ZNF550: variants seen among roughly 807,000 people sequenced by gnomAD.
ZNF550 encodes the protein zinc finger protein 550.
Under a neutral mutation model 40.2 loss-of-function variants are expected in ZNF550, and 42 were observed. That is an observed-to-expected ratio of 1.05 (90% CI 0.82 to 1.35). ZNF550 has a LOEUF of 1.35. Ranked by LOEUF, ZNF550 falls within the 40% of genes most tolerant of loss-of-function variation. The pLI, the probability that ZNF550 is intolerant of heterozygous loss-of-function variation, is 0.00. For synonymous variants in ZNF550, 223 were observed against 198.6 expected, an observed-to-expected ratio of 1.12 and a Z score of -1.03; for missense variants, 549 against 525.2, an observed-to-expected ratio of 1.05 and a Z score of -0.44.
In ZNF550 at chr19:57,555,207, C is replaced by A. The variant is rs915840466; in HGVS notation, c.154+1024G>T. 2.1e-4 allele frequency: 32 copies of A among 152,194 alleles called. 1 individual carries two copies. The highest frequency in any genetic ancestry group is 4.4e-5 in the Non-Finnish European group (3 of 68,042). 9.4% of individuals were successfully genotyped at this position (152,194 alleles called of 1,614,324 possible). On this transcript the variant is annotated intron_variant, in intron 2 of 4. Coordinates refer to ENST00000457177, the Ensembl canonical transcript of ZNF550. ...CAATCACAACACAACAAAATCAAAA[C>A]AATGCCACTAAGTCCCAGGAAACCC... is the stretch of plus-strand genomic sequence containing the variant.
At chr19:57,556,445 A>G in intron 1 of ZNF550, 88 bp from the exon 2 acceptor site, 1 of 1,519,674 alleles carries the variant, frequency 6.6e-7, no homozygotes, top group African/African-American at 1.4e-5. Context: ...CAATGTGCAG[A>G]GAGATCCAGG....
intron 4 of ZNF550, chr19:57,543,549 C>G (rs916457993): frequency 1.1e-6 from 1 of 940,136 alleles, no homozygotes; most frequent in South Asian, 4.9e-5. Flanking sequence ...CCCCCACAAT[C>G]ATTTCTCACA....
chr19:57,559,232 C>T (rs2123376485), intron 1 of ZNF550, among the ~76,000 whole-genome samples: 1 of 152,328 alleles, frequency 6.6e-6, no homozygotes, highest in African/African-American at 2.4e-5. Context: ...ACACACACAT[C>T]ACCCAGGGAG....
At chr19:57,553,104 A>G (rs1047524606) in intron 2 of ZNF550, 1 of 166,694 alleles carries the variant, frequency 6.0e-6, no homozygotes, top group Admixed American at 6.4e-5. Context: ...CAAGCCAGGA[A>G]GAGAGGTCTC....
At chr19:57,556,083 A>C (rs1224451381) in intron 2 of ZNF550, 148 bp downstream of exon 2, 1 of 1,033,018 alleles carries the variant, frequency 9.7e-7, no homozygotes, top group Non-Finnish European at 1.5e-6. Flanking sequence ...TACCCCGACA[A>C]TCTCTGATGC....
In ZNF550 at chr19:57,554,849, C is replaced by T. The variant is rs1318560256; in HGVS notation, c.154+1382G>A. Reference sequence around the variant, plus strand: ...CCTCCACCTGGAACACTGTTACCCTCTTCCACCTCCTTCTATCCAGCTAAC... The same window carrying T: ...CCTCCACCTGGAACACTGTTACCCTTTTCCACCTCCTTCTATCCAGCTAAC... On this transcript the variant is annotated intron_variant, in intron 2 of 4. Coordinates refer to ENST00000457177, the Ensembl canonical transcript of ZNF550. The surrounding 1 kb of genome is among the most constrained non-coding windows in gnomAD (Gnocchi z 4.5). 6.6e-6 allele frequency: 1 copy of T among 152,342 alleles called. No individual in the cohort carries two copies. The highest frequency in any genetic ancestry group is 2.4e-5 in the African/African-American group (1 of 41,472). 9.4% of individuals were successfully genotyped at this position (152,342 alleles called of 1,614,324 possible).
intron 1 of ZNF550, among the ~76,000 whole-genome samples, chr19:57,559,327 C>A (rs1339383521): frequency 6.6e-6 from 1 of 152,148 alleles, no homozygotes; most frequent in Non-Finnish European, 1.5e-5. Context: ...AGGACAGTAA[C>A]GGGACTTGTT....
exon 4 of ZNF550, chr19:57,547,076 A>C: frequency 3.7e-6 from 6 of 1,613,438 alleles, no homozygotes; most frequent in Non-Finnish European, 5.1e-6. Flanking sequence ...TGGATGACAG[A>C]GTGCTGAATG....
At chr19:57,555,149 A>G (rs1285623359) in intron 2 of ZNF550, 2 of 152,178 alleles carry the variant, frequency 1.3e-5, no homozygotes, top group Admixed American at 6.5e-5. Flanking sequence ...GTAAGTGAGA[A>G]AGTCAATTTC....
At chr19:57,544,512 A>C in intron 4 of ZNF550, 1 of 985,384 alleles carries the variant, frequency 1.0e-6, no homozygotes, top group Non-Finnish European at 1.2e-6. Context: ...TTCCAGAGAG[A>C]GGATGCAGGA....
At chr19:57,555,948 T>C (rs1036732773) in intron 2 of ZNF550, 3 of 402,620 alleles carry the variant, frequency 7.5e-6, no homozygotes, top group Admixed American at 3.7e-5. Context: ...CCCTGCTTAA[T>C]AGGGCTGTGG....
intron 4 of ZNF550, chr19:57,544,665 C>T (rs934836312): frequency 1.1e-6 from 1 of 923,774 alleles, no homozygotes; most frequent in Non-Finnish European, 1.3e-6. Flanking sequence ...GTAAAAGGTA[C>T]ATGCCCACTA....
At chr19:57,544,219 G>A (rs2089987757) in intron 4 of ZNF550, 1 of 985,448 alleles carries the variant, frequency 1.0e-6, no homozygotes, top group Non-Finnish European at 1.2e-6. Flanking sequence ...AATGACAGGT[G>A]TCTCATGAGA....
At chr19:57,547,576 C>G in exon 4 of ZNF550, 1 of 1,614,170 alleles carries the variant, frequency 6.2e-7, no homozygotes, top group African/African-American at 1.3e-5. Context: ...AGTGTGAACC[C>G]TCTGATGTCG....
Position 57,544,796 on chromosome 19 carries a change from C to A in ZNF550, c.*519-1553G>T, listed in dbSNP as rs372008710. On this transcript the variant is annotated intron_variant, in intron 4 of 4. Coordinates refer to ENST00000457177, the Ensembl canonical transcript of ZNF550. ...AACATTATCTCATGTAGCTTGAAAA[C>A]TAAAAGAAAATCTCACAAAAGGAAT... is the stretch of plus-strand genomic sequence containing the variant. 3.9e-5 allele frequency among the ~76,000 whole-genome samples: 6 copies of A among 152,256 alleles called. No individual in the cohort carries two copies. In the East Asian group the frequency reaches 1.2e-3, roughly 29 times the overall value.
chr19:57,551,496 A>G (rs1291557329), intron 3 of ZNF550, among the ~76,000 whole-genome samples: 1 of 152,152 alleles, frequency 6.6e-6, no homozygotes, highest in African/African-American at 2.4e-5. Flanking sequence ...ATTTAAAATG[A>G]GCAGGACTAG....
chr19:57,543,912 T>C (rs755980437), intron 4 of ZNF550: 9 of 958,522 alleles, frequency 9.4e-6, no homozygotes, highest in Non-Finnish European at 1.1e-5. Context: ...CACTCCAGCC[T>C]GGGCAACAAG....
chr19:57,557,182 G>A (rs1444950657), intron 1 of ZNF550: 3 of 151,898 alleles, frequency 2.0e-5, no homozygotes, highest in Admixed American at 2.0e-4. Context: ...CTTTGCAGTT[G>A]AGATAAGAGG....
upstream of ZNF550, chr19:57,559,956 G>C (rs1390743465): frequency 7.6e-6 from 3 of 392,194 alleles, no homozygotes; most frequent in East Asian, 3.6e-5. Flanking sequence ...GGCCAGGCTT[G>C]GCTCTTTTTC....
Sources: gnomAD v4.1 joint callset for allele counts (sites outside exome capture counted in the v4.1 genomes callset) on GRCh38, gnomAD v4.1.1 for gene constraint, Gnocchi (gnomAD v3.1) non-coding constraint, MANE v1.5 for transcripts, NCBI Gene and HGNC (gene_info 2026-07-23, HGNC 2026-07-21) for gene names.